The following IL1RAP variants were observed in gnomAD, a reference collection of about 807,000 sequenced individuals.
IL1RAP encodes interleukin 1 receptor accessory protein, also known as interleukin-1 receptor accessory protein.
IL1RAP carries 35 observed loss-of-function variants against 60.7 expected under a neutral mutation model. The ratio of observed to expected loss-of-function variants is 0.58; its 90% CI spans 0.44 to 0.76. The LOEUF is 0.76. IL1RAP is among the 30% of genes least tolerant of loss of function. The probability of loss-of-function intolerance (pLI) is 0.00; values close to 1 mark genes in which losing one functional copy is unlikely to be tolerated. For synonymous variants in IL1RAP, 268 were observed against 250.9 expected, an observed-to-expected ratio of 1.07 and a Z score of -0.64; for missense variants, 572 against 693.9, an observed-to-expected ratio of 0.82 and a Z score of 1.97.
chr3:190,633,193 A>T (rs529799788), intron 9 of IL1RAP, among the ~76,000 whole-genome samples: 1 of 152,316 alleles, frequency 6.6e-6, no homozygotes, highest in African/African-American at 2.4e-5. Context: ...TGAAATCTTA[A>T]CAATACTGTA....
chr3:190,522,007 ACT>A (rs1722064233), intron 1 of IL1RAP, among the ~76,000 whole-genome samples: 2 of 151,980 alleles, frequency 1.3e-5, no homozygotes, highest in African/African-American at 2.4e-5. Flanking sequence ...AAGAGGCTTG[ACT>A]CTCATTAAAA....
exon 12 of IL1RAP, chr3:190,659,403 T>C (rs926271191): frequency 4.6e-5 from 7 of 152,194 alleles, no homozygotes; most frequent in Non-Finnish European, 8.8e-5. Flanking sequence ...GTCAGAAAGA[T>C]AATAGACTAT....
chr3:190,561,616 G>C (rs1253332408), intron 2 of IL1RAP, among the ~76,000 whole-genome samples: 1 of 152,146 alleles, frequency 6.6e-6, no homozygotes, highest in Admixed American at 6.5e-5. Context: ...GAGGTATGTG[G>C]GGGTTTTTAA....
chr3:190,522,322 CT>C lies in IL1RAP; in HGVS notation c.-89+8105del, dbSNP rs1560135588. On this transcript the variant is annotated intron_variant, in intron 1 of 11. Coordinates refer to ENST00000447382, the MANE Select transcript of IL1RAP (RefSeq NM_002182.4). ...CCTTCCTTCCTTCCTTCCTTCCTTCCTTCCTTCCTTCCTTCCTTCCTCCCTC... is the reference window on the plus strand; with the variant it reads ...CCTTCCTTCCTTCCTTCCTTCCTTCCTCCTTCCTTCCTTCCTTCCTCCCTC... Among the ~76,000 whole-genome samples, 1,022 of 150,014 alleles carry C rather than the reference CT, an allele frequency of 6.8e-3. 21 individuals carry two copies. The highest frequency in any genetic ancestry group is 0.024 in the African/African-American group (984 of 40,434).
At chr3:190,609,216 A>T in intron 5 of IL1RAP, 35 bp downstream of exon 5, 1 of 1,415,362 alleles carries the variant, frequency 7.1e-7, no homozygotes, top group Non-Finnish European at 9.7e-7. Flanking sequence ...ATTCTCTCTA[A>T]TGGCTTATAA....
rs2108827546 is a variant in IL1RAP at position 190,632,831 on chromosome 3, C to T, written c.1051+3333C>T. Among the ~76,000 whole-genome samples the T allele has an allele frequency of 2.0e-5, 3 of 152,190 alleles. No homozygotes were observed. In the Middle Eastern group the frequency reaches 0.01, roughly 521 times the overall value. ...TTCCACATAGATAACCAGTTGTTCT[C>T]ATATCATATTGAAAAATCTTTCCTT... On this transcript the variant is annotated intron_variant, in intron 9 of 11. Coordinates refer to ENST00000447382, the MANE Select transcript of IL1RAP (RefSeq NM_002182.4).
intron 3 of IL1RAP, among the ~76,000 whole-genome samples, chr3:190,601,088 A>T (rs2108745153): frequency 6.6e-6 from 1 of 152,198 alleles, no homozygotes; most frequent in East Asian, 1.9e-4. Context: ...GGGTTCAAGC[A>T]AGTCTCCTGC....
intron 3 of IL1RAP, among the ~76,000 whole-genome samples, chr3:190,574,582 C>A (rs1727277381): frequency 2.0e-5 from 3 of 152,174 alleles, no homozygotes; most frequent in Admixed American, 6.5e-5. Context: ...TTAAGGGACT[C>A]AGTCAAGGAT....
rs149668159 is a variant in IL1RAP, at chr3:190,649,559, A to G, written c.*854A>G. ...GGTAACAGAAAGACTCTTTTAGGGC[A>G]TTTTTCTGACTCATGAAAAGAGCAC... On this transcript the variant is annotated 3_prime_UTR_variant, in exon 12 of 12. Coordinates refer to ENST00000447382, the MANE Select transcript of IL1RAP (RefSeq NM_002182.4). The G allele has an allele frequency of 2.0e-6, 2 of 985,756 alleles. No homozygotes were observed. The highest frequency in any genetic ancestry group is 1.2e-4 in the Admixed American group (2 of 16,276). 61.1% of individuals were successfully genotyped at this position (985,756 alleles called of 1,614,324 possible). A position where few individuals can be genotyped will look rare whatever the true frequency, so the allele number is the denominator to read the frequency against.
intron 11 of IL1RAP, among the ~76,000 whole-genome samples, chr3:190,646,196 T>A (rs1407531310): frequency 6.6e-6 from 1 of 151,936 alleles, no homozygotes; most frequent in Non-Finnish European, 1.5e-5. Flanking sequence ...AGAACTGTTT[T>A]ACAAGACTGA....
chr3:190,564,090 T>C, intron 2 of IL1RAP, 199 bp from the exon 3 acceptor site: 1 of 560,538 alleles, frequency 1.8e-6, no homozygotes, highest in Admixed American at 3.0e-5. Flanking sequence ...AATATGGGAA[T>C]TGAAAAACAA....
chr3:190,527,121 G>A (rs1170663230), intron 1 of IL1RAP, among the ~76,000 whole-genome samples: 1 of 152,188 alleles, frequency 6.6e-6, no homozygotes, highest in Non-Finnish European at 1.5e-5. Flanking sequence ...TGATCCCAGA[G>A]CATTTTGGGT....
In IL1RAP at chr3:190,593,076, C is replaced by CT. The variant is rs879701762; in HGVS notation, c.65-11041dup. ...TTGTGGATTTCTCCCTCACCAAACC[C>CT]TTTTTTTTTTTGAATTTGGCATTCT... On this transcript the variant is annotated intron_variant, in intron 3 of 11. Transcript: ENST00000447382. Among the ~76,000 whole-genome samples the CT allele has an allele frequency of 3.5e-3, 505 of 145,428 alleles. 7 individuals are homozygous for CT. Among genetic ancestry groups the CT allele is most frequent in the African/African-American group, 0.011 (448 of 39,832 alleles).
At chr3:190,538,940 C>T (rs1378024479) in intron 1 of IL1RAP, among the ~76,000 whole-genome samples, 1 of 152,120 alleles carries the variant, frequency 6.6e-6, no homozygotes, top group African/African-American at 2.4e-5. Context: ...TTGTAAGTTT[C>T]CTGAAGCCTC....
intron 4 of IL1RAP, among the ~76,000 whole-genome samples, chr3:190,605,491 G>A (rs746377870): frequency 5.3e-5 from 8 of 152,120 alleles, no homozygotes; most frequent in South Asian, 2.1e-4. Context: ...ACTCCCATCC[G>A]GGTTATTTTT....
Position 190,629,383 on chromosome 3 carries a change from A to T in IL1RAP, c.936A>T (p.Arg312Ser). 1 of 1,612,886 alleles carries T rather than the reference A, an allele frequency of 6.2e-7. No homozygotes were observed. Among genetic ancestry groups the T allele is most frequent in the East Asian group, 2.2e-5 (1 of 44,856 alleles). ...ISHSRTEDET[R>S]TQILSIKKVT... Reference sequence around the variant, plus strand: ...ATAGTAGAACAGAAGATGAAACAAGAACTCAGATTTTGAGCATCAAGAAAG... The same window carrying T: ...ATAGTAGAACAGAAGATGAAACAAGTACTCAGATTTTGAGCATCAAGAAAG... The change falls in exon 9 of 12, where the codon AGA (arginine) becomes AGT (serine). Residue 312 changes from arginine (R) to serine (S), a missense_variant. Coordinates refer to ENST00000447382, the MANE Select transcript of IL1RAP (RefSeq NM_002182.4).
chr3:190,656,588 A>G, exon 12 of IL1RAP: 3 of 1,525,892 alleles, frequency 2.0e-6, no homozygotes, highest in Non-Finnish European at 8.8e-7. Context: ...TCCAATAACA[A>G]CGACTTTTAT....
At position 190,620,354 on chromosome 3, in the gene IL1RAP, A is replaced by G; in HGVS notation, c.617A>G (p.Asn206Ser). 1 of 1,607,402 alleles carries G rather than the reference A, an allele frequency of 6.2e-7. No individual in the cohort carries two copies. Among genetic ancestry groups the G allele is most frequent in the South Asian group, 1.1e-5 (1 of 90,812 alleles). Residue 206 changes from asparagine (N) to serine (S), a missense_variant, in exon 6 of 12, where the codon AAT becomes AGT. Asn to Ser is a conservative substitution (Grantham distance 46). Transcript: ENST00000447382. Reference protein sequence around the residue: ...NLSFLIALISNNGNYTCVVTY... With the variant: ...NLSFLIALISSNGNYTCVVTY... The stretch of plus-strand genomic sequence containing the variant: ...AGTTTCCTCATTGCCTTAATTTCAA[A>G]TAATGGAAATTACACATGTGTTGTT...
intron 1 of IL1RAP, among the ~76,000 whole-genome samples, chr3:190,522,309 C>G (rs1206812216): frequency 8.9e-6 from 1 of 112,384 alleles, no homozygotes; most frequent in Non-Finnish European, 1.6e-5. Context: ...TTCCTTCCTT[C>G]CTTCCTTCCT....
Sources: gnomAD v4.1 joint callset for allele counts (sites outside exome capture counted in the v4.1 genomes callset) on GRCh38, gnomAD v4.1.1 for gene constraint, MANE v1.5 for transcripts, NCBI Gene and HGNC (gene_info 2026-07-23, HGNC 2026-07-21) for gene names.